Variants in FBXL13 observed in about 807,000 individuals in gnomAD.
FBXL13 encodes F-box and leucine-rich repeat protein 13.
A neutral mutation model predicts 83.6 loss-of-function variants in FBXL13; 67 were observed. The observed-to-expected ratio is 0.80, with a 90% confidence interval of 0.66 to 0.98. FBXL13 has a LOEUF of 0.98. Ranked by LOEUF, FBXL13 falls within the 50% of genes least tolerant of loss-of-function variation. The pLI is 0.00. For synonymous variants in FBXL13, 272 were observed against 299.5 expected (o/e 0.91, Z 0.95); for missense variants, 822 against 866.5 (o/e 0.95, Z 0.64).
chr7:103,033,646 C>T (rs183219075), intron 2 of FBXL13, among the ~76,000 whole-genome samples: 1 of 152,128 alleles, frequency 6.6e-6, no homozygotes, highest in East Asian at 1.9e-4. Context: ...GTCTTGTTGG[C>T]TTCAGGAGTG....
chr7:102,889,151 A>T (rs939279982), intron 11 of FBXL13, among the ~76,000 whole-genome samples: 3 of 152,210 alleles, frequency 2.0e-5, no homozygotes, highest in Non-Finnish European at 4.4e-5. Flanking sequence ...ATTGTGGTGC[A>T]GCCCTCTTAC....
intron 17 of FBXL13, among the ~76,000 whole-genome samples, chr7:102,834,095 AAAGAAAGAAAG>A (rs1801330096): frequency 1.0e-5 from 1 of 95,586 alleles, no homozygotes; most frequent in Non-Finnish European, 2.1e-5. Context: ...GAAAAGAAAG[AAAGAAAGAAAG>A]AAAGAAAGAA....
At chr7:102,885,151 G>A (rs1275955667) in intron 11 of FBXL13, among the ~76,000 whole-genome samples, 2 of 152,174 alleles carry the variant, frequency 1.3e-5, no homozygotes, top group African/African-American at 2.4e-5. Flanking sequence ...ATATTTAGGA[G>A]AAGAATTGCT....
intron 17 of FBXL13, among the ~76,000 whole-genome samples, chr7:102,850,583 A>G (rs1031528321): frequency 6.6e-6 from 1 of 152,218 alleles, no homozygotes; most frequent in Non-Finnish European, 1.5e-5. Context: ...GTATAAATGC[A>G]TGTTTAACCC....
At chr7:102,979,369 T>C (rs1827908922) in intron 6 of FBXL13, among the ~76,000 whole-genome samples, 1 of 152,202 alleles carries the variant, frequency 6.6e-6, no homozygotes, top group South Asian at 2.1e-4. Context: ...CTCTCTCTTT[T>C]ACTTATAAAT....
intron 6 of FBXL13, among the ~76,000 whole-genome samples, chr7:103,009,274 A>G (rs1791330467): frequency 6.6e-6 from 1 of 152,142 alleles, no homozygotes; most frequent in African/African-American, 2.4e-5. Context: ...AGAGAAAACA[A>G]AAGGGCTAGT....
chr7:103,001,440 T>C (rs986426658), intron 6 of FBXL13, among the ~76,000 whole-genome samples: 3 of 152,204 alleles, frequency 2.0e-5, no homozygotes, highest in African/African-American at 7.2e-5. Flanking sequence ...GGTACGATGG[T>C]TAATATTAGG....
At chr7:103,028,966 A>G (rs1222389358) in intron 3 of FBXL13, among the ~76,000 whole-genome samples, 1 of 152,128 alleles carries the variant, frequency 6.6e-6, no homozygotes, top group Non-Finnish European at 1.5e-5. Context: ...TAGATAAAAT[A>G]AAGAAATCAT....
rs773326525 is a variant in FBXL13, at chr7:103,025,111, C to A, written c.447G>T (p.Glu149Asp). Residue 149 changes from glutamate to aspartate, a missense_variant, in exon 6 of 20, where the codon GAG (glutamate) becomes GAT (aspartate). Coordinates refer to ENST00000313221, the Ensembl canonical transcript of FBXL13. Reference sequence around the variant, plus strand: ...ACAGTGAAATGTCACATTTTAGAGTCTCATCTACAAGAAAGACTTCAGAAG... The same window carrying A: ...ACAGTGAAATGTCACATTTTAGAGTATCATCTACAAGAAAGACTTCAGAAG... 28 of 1,612,278 alleles carry A rather than the reference C, an allele frequency of 1.7e-5. No homozygotes were observed. The East Asian group carries it at 6.0e-4, about 35-fold the overall frequency.
Position 102,973,236 on chromosome 7 carries a change from G to A in FBXL13, c.496-5119C>T. 7.0e-6 allele frequency: 2 copies of A among 284,190 alleles called. 1 individual carries two copies. Among genetic ancestry groups the A allele is most frequent in the South Asian group, 8.1e-5 (2 of 24,672 alleles). The allele number at this position is 284,190 out of a possible 1,614,324, so 17.6% of individuals were successfully genotyped here. On this transcript the variant is annotated intron_variant, in intron 6 of 19. Coordinates refer to ENST00000313221, the Ensembl canonical transcript of FBXL13. ...GAAAGATTCTCCCCAACGCCCGAAA[G>A]CTTGAAGGAATGAGTAACTCCTCTC...
chr7:102,927,673 T>C (rs544444190), intron 9 of FBXL13, among the ~76,000 whole-genome samples: 10 of 152,212 alleles, frequency 6.6e-5, no homozygotes, highest in Non-Finnish European at 1.5e-4. Flanking sequence ...TATGCACCCA[T>C]GCTGCATGAG....
chr7:102,840,267 T>C (rs958349566), intron 17 of FBXL13, among the ~76,000 whole-genome samples: 3 of 152,246 alleles, frequency 2.0e-5, no homozygotes, highest in African/African-American at 7.2e-5. Context: ...CTTCAGGTTT[T>C]AGATTTTCTC....
At chr7:102,819,949 C>T (rs1158254911) in intron 19 of FBXL13, among the ~76,000 whole-genome samples, 1 of 152,192 alleles carries the variant, frequency 6.6e-6, no homozygotes, top group African/African-American at 2.4e-5. Flanking sequence ...AACTAGGCCC[C>T]CTTACAGCTT....
chr7:102,975,914 C>G (rs141722765), intron 6 of FBXL13: 1 of 761,944 alleles, frequency 1.3e-6, no homozygotes, highest in East Asian at 2.4e-5. Context: ...CATGGGGCCA[C>G]AGCTCCACAC....
At chr7:102,854,809 C>T in exon 17 of FBXL13, 1 of 1,591,786 alleles carries the variant, frequency 6.3e-7, no homozygotes, top group South Asian at 1.1e-5. Context: ...CTATAACATT[C>T]AGATACAGAA....
At chr7:102,937,345 CA>C (rs373845836) in intron 8 of FBXL13, among the ~76,000 whole-genome samples, 11 of 143,708 alleles carry the variant, frequency 7.7e-5, no homozygotes, top group African/African-American at 2.3e-4. Flanking sequence ...ACTAAAAATA[CA>C]AAAAAAAAAA....
In FBXL13 at chr7:102,961,282, C is replaced by T. The variant is rs201629034; in HGVS notation, c.724+2251G>A. 9.6e-3 allele frequency among the ~76,000 whole-genome samples: 1,302 copies of T among 135,398 alleles called. 7 individuals carry two copies. The highest frequency in any genetic ancestry group is 0.049 in the East Asian group (191 of 3,876). The allele number at this position is 135,398 out of a possible 152,430, so 88.8% of individuals were successfully genotyped here. On this transcript the variant is annotated intron_variant, in intron 8 of 19. Transcript: ENST00000313221. Reference sequence around the variant, plus strand: ...ACCTAGGAATCCAACTTACAAGGGACGTGAAGGACCTCTTCAAGGAGAACT... The same window carrying T: ...ACCTAGGAATCCAACTTACAAGGGATGTGAAGGACCTCTTCAAGGAGAACT...
intron 19 of FBXL13, among the ~76,000 whole-genome samples, chr7:102,814,720 T>A (rs1186074795): frequency 1.3e-5 from 2 of 152,234 alleles, no homozygotes; most frequent in African/African-American, 4.8e-5. Context: ...GGACTAAAAC[T>A]TGGCAAACAA....
chr7:103,061,653 T>A (rs573304751), intron 1 of FBXL13, among the ~76,000 whole-genome samples: 106 of 151,952 alleles, frequency 7.0e-4, no homozygotes, highest in Non-Finnish European at 1.2e-3. Flanking sequence ...TAAAAAAAAA[T>A]ACCTGGCCCA....
Sources: gnomAD v4.1 joint callset for allele counts (sites outside exome capture counted in the v4.1 genomes callset) on GRCh38, gnomAD v4.1.1 for gene constraint, MANE v1.5 for transcripts, NCBI Gene and HGNC (gene_info 2026-07-23, HGNC 2026-07-21) for gene names.